Variants in HERC1 observed in about 807,000 individuals in gnomAD.
HERC1 encodes the protein HECT and RLD domain containing E3 ubiquitin protein ligase family member 1.
In HERC1, 160 loss-of-function variants were observed where a neutral mutation model predicts 554.3. The ratio of observed to expected loss-of-function variants is 0.29; its 90% CI spans 0.25 to 0.33. HERC1 has a LOEUF of 0.33. Ranked by LOEUF, HERC1 falls within the 10% of genes least tolerant of loss-of-function variation. The pLI is 1.00. For missense variants in HERC1, 4,919 were observed against 5,918.5 expected (o/e 0.83, Z 5.54); for synonymous variants, 2,175 against 2,131.7 (o/e 1.02, Z -0.56).
intron 10 of HERC1, among the ~76,000 whole-genome samples, chr15:63,748,128 A>C (rs1349292354): frequency 6.6e-6 from 1 of 152,152 alleles, no homozygotes; most frequent in Admixed American, 6.6e-5. Context: ...CAGGAGGCTA[A>C]GGCAGGGGAA....
Position 63,677,703 on chromosome 15 carries a change from G to A in HERC1, c.7070+142C>T. ...AATTCTCCTTTAAGAAATTACAGTA[G>A]AAACATCTAGCTGCATGAGAAATAT... On this transcript the variant is annotated intron_variant, in intron 37 of 77. Transcript: ENST00000443617. The surrounding 1 kb of genome is among the most constrained non-coding windows in gnomAD (Gnocchi z 4.4). The A allele has an allele frequency of 7.3e-7, 1 of 1,378,726 alleles. No individual in the cohort carries two copies. The allele number at this position is 1,378,726 out of a possible 1,614,324, so 85.4% of individuals were successfully genotyped here.
At position 63,728,939 on chromosome 15, in the gene HERC1, T is replaced by TA. The variant is rs375000040; in HGVS notation, c.3154+296dup. On this transcript the variant is annotated intron_variant, in intron 16 of 77. Transcript: ENST00000443617. Reference sequence around the variant, plus strand: ...AGAAAGGTAAAGAAAGAGCAGGTTTTAAAAAAAAAAAAAAAGAGCAGATTA... The same window carrying TA: ...AGAAAGGTAAAGAAAGAGCAGGTTTTAAAAAAAAAAAAAAAAGAGCAGATTA... Among the ~76,000 whole-genome samples, 1,811 of 145,092 alleles carry TA rather than the reference T, an allele frequency of 0.012. 34 individuals are homozygous for TA. The highest frequency in any genetic ancestry group is 0.041 in the African/African-American group (1,622 of 39,502).
In HERC1 at chr15:63,720,103, C is replaced by CTTTTTTTTTTTTTT. The variant is rs573648232; in HGVS notation, c.3743-1220_3743-1207dup. ...GGACTAGTCAGGTGCTTTTTCTTCCCTTTTTTTTTTTTTTTAAGAGACAGG... is the reference window on the plus strand; with the variant it reads ...GGACTAGTCAGGTGCTTTTTCTTCCCTTTTTTTTTTTTTTTTTTTTTTTTTTTTTAAGAGACAGG... On this transcript the variant is annotated intron_variant, in intron 19 of 77. Coordinates refer to ENST00000443617, the MANE Select transcript of HERC1 (RefSeq NM_003922.4). 2.0e-3 allele frequency among the ~76,000 whole-genome samples: 146 copies of CTTTTTTTTTTTTTT among 71,582 alleles called. 26 individuals carry two copies. The highest frequency in any genetic ancestry group is 7.3e-3 in the African/African-American group (122 of 16,604). The allele number at this position is 71,582 out of a possible 152,430, so 47.0% of individuals were successfully genotyped here. A position where few individuals can be genotyped will look rare whatever the true frequency, so the allele number is the denominator to read the frequency against.
At chr15:63,762,711 A>G (rs781741975) in intron 3 of HERC1, among the ~76,000 whole-genome samples, 1 of 152,204 alleles carries the variant, frequency 6.6e-6, no homozygotes, top group Non-Finnish European at 1.5e-5. Context: ...GTAAATAAAG[A>G]GCAGATAGAA....
At chr15:63,728,701 A>G (rs2074138140) in intron 16 of HERC1, among the ~76,000 whole-genome samples, 1 of 152,152 alleles carries the variant, frequency 6.6e-6, no homozygotes, top group African/African-American at 2.4e-5. Context: ...AAAGACACTG[A>G]GACTAGATAA....
At chr15:63,642,129 T>C (rs574807960) in intron 59 of HERC1, among the ~76,000 whole-genome samples, 2 of 152,280 alleles carry the variant, frequency 1.3e-5, no homozygotes, top group South Asian at 2.1e-4. Context: ...TTTAACCATA[T>C]AAAATGTAAA....
At position 63,674,595 on chromosome 15, in the gene HERC1, C is replaced by G. The variant is rs770092334; in HGVS notation, c.7593G>C (p.Leu2531=). 1.2e-6 allele frequency: 2 copies of G among 1,612,698 alleles called. No individual in the cohort carries two copies. Among genetic ancestry groups the G allele is most frequent in the Non-Finnish European group, 8.5e-7 (1 of 1,179,228 alleles). ...CAGCCAGAACTTTTGGTATCAGCAA[C>G]AGCTCAGCATATTTACTACAGCCAA... ...ALLGCSKYAE[L]LLIPKVLAEN... Residue 2531 remains leucine (L), a synonymous_variant, in exon 38 of 78, where the codon CTG becomes CTC. Transcript: ENST00000443617.
At chr15:63,744,754 G>C (rs2089619) in intron 12 of HERC1, among the ~76,000 whole-genome samples, 77,741 of 151,912 alleles carry the variant, frequency 0.51, 20,810 homozygotes, top group Non-Finnish European at 0.55. Context: ...AGGGCAGTGG[G>C]TTCTCCTGTA....
intron 25 of HERC1, among the ~76,000 whole-genome samples, chr15:63,702,961 G>A (rs1422049967): frequency 6.6e-6 from 1 of 151,980 alleles, no homozygotes. Flanking sequence ...AAAATTAGCT[G>A]GGCTTAGCAG....
chr15:63,651,518 A>C (rs2069676388), intron 52 of HERC1, 138 bp from the exon 53 acceptor site: 3 of 748,672 alleles, frequency 4.0e-6, no homozygotes, highest in Non-Finnish European at 4.3e-6. Flanking sequence ...GGCTAGCAGT[A>C]TTTAACAGTT....
chr15:63,712,829 C>T lies in HERC1; in HGVS notation c.4530G>A (p.Ser1510=), dbSNP rs371768176. The T allele has an allele frequency of 2.0e-5, 33 of 1,613,472 alleles. No homozygotes were observed. The highest frequency in any genetic ancestry group is 1.4e-4 in the South Asian group (13 of 91,046). ...HTSPNYRLIK[S]RSESDLSQPE... is the part of the protein sequence containing the mutation. ...GCTGAGACAAATCAGATTCACTCCT[C>T]GATTTGATCAGTCTATAATTTGGGC... Residue 1510 remains serine, a synonymous_variant, in exon 24 of 78, where the codon TCG becomes TCA. Transcript: ENST00000443617.
chr15:63,630,432 A>T (rs746056097), intron 69 of HERC1, 34 bp downstream of exon 69: 1 of 1,589,616 alleles, frequency 6.3e-7, no homozygotes, highest in South Asian at 1.1e-5. Flanking sequence ...GATTTCTAGA[A>T]TATGAGAAAG....
rs371979138 is a variant in HERC1 at position 63,678,060 on chromosome 15, C to A, written c.6855G>T (p.Arg2285Ser). The A allele has an allele frequency of 2.5e-6, 4 of 1,614,020 alleles. No individual in the cohort carries two copies. In the Admixed American group the frequency reaches 5.0e-5, roughly 20 times the overall value. Reference sequence around the variant, plus strand: ...GCTCTGAGAGGTCAGCGAGGCCATGCCTAGTATGTTTACCTTTCTCTTCCT... The same window carrying A: ...GCTCTGAGAGGTCAGCGAGGCCATGACTAGTATGTTTACCTTTCTCTTCCT... Reference protein sequence around the residue: ...SKEEEKGKHTRHGLADLSELQ... With the variant: ...SKEEEKGKHTSHGLADLSELQ... Residue 2285 changes from arginine (R) to serine (S), a missense_variant, in exon 37 of 78, where the codon AGG becomes AGT. Transcript: ENST00000443617.
At chr15:63,648,033 A>T (rs2069448981) in intron 55 of HERC1, 36 bp downstream of exon 55, 1 of 1,503,298 alleles carries the variant, frequency 6.7e-7, no homozygotes, top group Non-Finnish European at 9.1e-7. Context: ...TTATATTTGT[A>T]TCCCATAAAA....
At chr15:63,651,879 T>C (rs1047068825) in intron 52 of HERC1, among the ~76,000 whole-genome samples, 1 of 151,974 alleles carries the variant, frequency 6.6e-6, no homozygotes, top group African/African-American at 2.4e-5. Context: ...CTACTAATAA[T>C]ACAAAAATTA....
chr15:63,690,779 G>A (rs375370883), intron 31 of HERC1, 132 bp from the exon 32 acceptor site: 16 of 625,210 alleles, frequency 2.6e-5, no homozygotes, highest in East Asian at 1.1e-4. Context: ...AACTATTATC[G>A]CAAGAATTCT....
chr15:63,724,009 T>C (rs1435824270), intron 18 of HERC1, among the ~76,000 whole-genome samples: 1 of 152,202 alleles, frequency 6.6e-6, no homozygotes, highest in Non-Finnish European at 1.5e-5. Context: ...TATAACTGAA[T>C]TATTGTATTT....
At chr15:63,696,892 C>T (rs1359634495) in intron 26 of HERC1, among the ~76,000 whole-genome samples, 2 of 149,646 alleles carry the variant, frequency 1.3e-5, no homozygotes, top group African/African-American at 4.9e-5. Context: ...CCTAGGAAGA[C>T]ACTCCCCATC....
chr15:63,783,649 CAGTACTTGACAAATAAGGCAA>C (rs2076351160), intron 1 of HERC1, among the ~76,000 whole-genome samples: 1 of 152,140 alleles, frequency 6.6e-6, no homozygotes, highest in Non-Finnish European at 1.5e-5. Context: ...AGGTATATGC[CAGTACTTGACAAATAAGGCAA>C]AGTACAACAG....
Sources: gnomAD v4.1 joint callset for allele counts (sites outside exome capture counted in the v4.1 genomes callset) on GRCh38, gnomAD v4.1.1 for gene constraint, Gnocchi (gnomAD v3.1) non-coding constraint, MANE v1.5 for transcripts, NCBI Gene and HGNC (gene_info 2026-07-23, HGNC 2026-07-21) for gene names.